The following ERCC6L2 variants were observed in gnomAD, a reference collection of about 807,000 sequenced individuals.
ERCC6L2 encodes the protein DNA excision repair protein ERCC-6-like 2.
In ERCC6L2, 77 loss-of-function variants were observed where a neutral mutation model predicts 132.0. The observed-to-expected ratio is 0.58, with a 90% confidence interval of 0.49 to 0.71. ERCC6L2 has a LOEUF of 0.71. Among genes scored for constraint, ERCC6L2 ranks in the 30% least tolerant of loss-of-function variants. The probability of loss-of-function intolerance (pLI) is 0.00; values close to 1 mark genes in which losing one functional copy is unlikely to be tolerated. For missense variants in ERCC6L2, 1,542 were observed against 1,837.6 expected (o/e 0.84, Z 2.94); for synonymous variants, 583 against 632.4 (o/e 0.92, Z 1.17).
chr9:96,009,288 G>A lies in ERCC6L2; in HGVS notation c.3675-2937G>A, dbSNP rs192266783. On this transcript the variant is annotated intron_variant, in intron 18 of 18. Transcript: ENST00000653738. ...ATCACTATGTGCCTTATTGGCTTTG[G>A]TTACCAATTAGGGATGTAGAAGTAA... 9.2e-5 allele frequency among the ~76,000 whole-genome samples: 14 copies of A among 152,282 alleles called. No individual in the cohort carries two copies. The East Asian group carries it at 2.7e-3, about 29-fold the overall frequency.
chr9:96,018,595 G>C (rs1834231350), downstream of ERCC6L2, among the ~76,000 whole-genome samples: 1 of 151,184 alleles, frequency 6.6e-6, no homozygotes, highest in African/African-American at 2.4e-5. Flanking sequence ...CAAGTAGCTG[G>C]GACCACAGAT....
At chr9:95,931,882 C>CT (rs981012631) in intron 11 of ERCC6L2, among the ~76,000 whole-genome samples, 74 of 151,420 alleles carry the variant, frequency 4.9e-4, no homozygotes, top group African/African-American at 1.7e-3. Context: ...TTTATTATTT[C>CT]TTTAACAATG....
At position 95,972,724 on chromosome 9, in the gene ERCC6L2, G is replaced by C. The variant is rs769327798; in HGVS notation, c.2973G>C (p.Lys991Asn). The C allele has an allele frequency of 7.7e-7, 1 of 1,302,604 alleles. No individual in the cohort carries two copies. Among genetic ancestry groups the C allele is most frequent in the Non-Finnish European group, 1.0e-6 (1 of 988,802 alleles). The allele number at this position is 1,302,604 out of a possible 1,614,324, so 80.7% of individuals were successfully genotyped here. A position where few individuals can be genotyped will look rare whatever the true frequency, so the allele number is the denominator to read the frequency against. Residue 991 changes from lysine (K) to asparagine (N), a missense_variant, in exon 16 of 19, where the codon AAG becomes AAC. Lys to Asn is a moderately conservative substitution (Grantham distance 94, BLOSUM62 0). Around this residue, in one of 4 missense-constraint regions of ERCC6L2, gnomAD observed 945 missense variants for 1,105.2 expected, o/e 0.86. Coordinates refer to ENST00000653738, the MANE Select transcript of ERCC6L2 (RefSeq NM_020207.7). ...CTGATGACATTGAAATTTCTTCCAAGTCAAGAGTAAGAAAGAGAGCTAGTT... is the reference window on the plus strand; with the variant it reads ...CTGATGACATTGAAATTTCTTCCAACTCAAGAGTAAGAAAGAGAGCTAGTT... ...DESDDIEISS[K>N]SRVRKRASSL...
chr9:95,961,200 A>T (rs1333989183), intron 13 of ERCC6L2, among the ~76,000 whole-genome samples: 1 of 152,122 alleles, frequency 6.6e-6, no homozygotes, highest in East Asian at 1.9e-4. Context: ...GTCTTTGCAG[A>T]TGAGGTTAAG....
rs537520850 is a variant in ERCC6L2 at position 96,001,960 on chromosome 9, G to A, written c.3493-2560G>A. Reference sequence around the variant, plus strand: ...GTACACCCTCCGCAGCCACTGGCCCGGGTGCTAAGTCCCCCATTGCCGGGG... The same window carrying A: ...GTACACCCTCCGCAGCCACTGGCCCAGGTGCTAAGTCCCCCATTGCCGGGG... On this transcript the variant is annotated intron_variant, in intron 17 of 18. Transcript: ENST00000653738. 1.4e-4 allele frequency among the ~76,000 whole-genome samples: 21 copies of A among 152,356 alleles called. 3 individuals are homozygous for A. In the South Asian group the frequency reaches 4.1e-3, roughly 30 times the overall value.
intron 11 of ERCC6L2, among the ~76,000 whole-genome samples, chr9:95,934,829 G>T (rs1291427526): frequency 6.6e-6 from 1 of 152,130 alleles, no homozygotes. Context: ...GCTTTGAAGG[G>T]ATCAGGAGAA....
chr9:95,901,755 T>C (rs750593977), intron 3 of ERCC6L2, among the ~76,000 whole-genome samples: 4 of 152,234 alleles, frequency 2.6e-5, no homozygotes, highest in Admixed American at 6.5e-5. Flanking sequence ...TTTTGTTTCA[T>C]TGGCATCAAT....
chr9:96,022,647 G>A (rs1056791753), downstream of ERCC6L2, among the ~76,000 whole-genome samples: 1 of 152,186 alleles, frequency 6.6e-6, no homozygotes, highest in African/African-American at 2.4e-5. Context: ...CGGGCCAGAC[G>A]GCAGCGAGTG....
At chr9:95,886,041 G>A (rs939301690) in intron 2 of ERCC6L2, among the ~76,000 whole-genome samples, 1 of 151,876 alleles carries the variant, frequency 6.6e-6, no homozygotes, top group African/African-American at 2.4e-5. Flanking sequence ...TTGAGATGGG[G>A]GTCTCACTCT....
At position 96,013,890 on chromosome 9, in the gene ERCC6L2, A is replaced by C. The variant is rs1311509684; in HGVS notation, c.*687A>C. The C allele has an allele frequency of 6.6e-6, 1 of 152,212 alleles. No individual in the cohort carries two copies. The highest frequency in any genetic ancestry group is 1.5e-5 in the Non-Finnish European group (1 of 68,026). 9.4% of individuals were successfully genotyped at this position (152,212 alleles called of 1,614,324 possible). A position where few individuals can be genotyped will look rare whatever the true frequency, so the allele number is the denominator to read the frequency against. On this transcript the variant is annotated 3_prime_UTR_variant, in exon 19 of 19. Transcript: ENST00000653738. ...ACAGATACCAGTGCCTCAACTTTTT[A>C]TGTACCTATTGTGATTTAATGTAAA...
At chr9:96,007,354 T>TA (rs781246073) in intron 18 of ERCC6L2, among the ~76,000 whole-genome samples, 45 of 152,282 alleles carry the variant, frequency 3.0e-4, no homozygotes, top group Non-Finnish European at 5.6e-4. Context: ...GTGGGCCAGA[T>TA]ATGGGTGGGA....
chr9:95,946,007 TAAAAAAATC>T (rs1055553195), intron 12 of ERCC6L2, among the ~76,000 whole-genome samples: 18 of 151,900 alleles, frequency 1.2e-4, no homozygotes, highest in African/African-American at 3.6e-4. Flanking sequence ...GAAAATAAGA[TAAAAAAATC>T]AAATCAGGGA....
chr9:95,891,593 C>CTT (rs201492696), intron 2 of ERCC6L2, among the ~76,000 whole-genome samples: 4 of 136,964 alleles, frequency 2.9e-5, no homozygotes, highest in African/African-American at 1.1e-4. Flanking sequence ...TTCAGTGTTT[C>CTT]TTTTTTTTTT....
Position 96,015,627 on chromosome 9 carries a change from C to T in ERCC6L2, c.*2424C>T, listed in dbSNP as rs2133236681. On this transcript the variant is annotated 3_prime_UTR_variant, in exon 19 of 19. Transcript: ENST00000653738. Reference sequence around the variant, plus strand: ...TGGCTAACGCGGTGAAACCCCGTCTCTACTAAAAAAAAAAAAAATACAAAA... The same window carrying T: ...TGGCTAACGCGGTGAAACCCCGTCTTTACTAAAAAAAAAAAAAATACAAAA... 7.8e-6 allele frequency among the ~76,000 whole-genome samples: 1 copy of T among 127,600 alleles called. No homozygotes were observed. Among genetic ancestry groups the T allele is most frequent in the South Asian group, 2.5e-4 (1 of 4,062 alleles). The allele number at this position is 127,600 out of a possible 152,430, so 83.7% of individuals were successfully genotyped here.
chr9:95,944,294 T>C (rs1216402607), intron 12 of ERCC6L2, among the ~76,000 whole-genome samples: 1 of 152,228 alleles, frequency 6.6e-6, no homozygotes, highest in Admixed American at 6.5e-5. Context: ...TATTGTATGA[T>C]TCTACTTATA....
At chr9:95,909,848 T>C (rs1829260300) in intron 4 of ERCC6L2, among the ~76,000 whole-genome samples, 1 of 152,200 alleles carries the variant, frequency 6.6e-6, no homozygotes, top group South Asian at 2.1e-4. Flanking sequence ...AGGTTTAGCT[T>C]TAGAAGAAAC....
chr9:95,913,276 C>T (rs1190373849), intron 4 of ERCC6L2, among the ~76,000 whole-genome samples: 1 of 152,098 alleles, frequency 6.6e-6, no homozygotes, highest in Admixed American at 6.6e-5. Context: ...CGGTATTCTC[C>T]TGTAAAGGAA....
chr9:95,914,600 C>T (rs987332545), intron 4 of ERCC6L2, among the ~76,000 whole-genome samples: 3 of 152,184 alleles, frequency 2.0e-5, no homozygotes, highest in Admixed American at 6.5e-5. Context: ...GATCCACCCG[C>T]CTCAGCCTCC....
intron 20 of ERCC6L2, among the ~76,000 whole-genome samples, chr9:96,039,510 AC>A (rs1374992081): frequency 7.2e-5 from 11 of 152,006 alleles, no homozygotes; most frequent in Admixed American, 7.2e-4. Flanking sequence ...TAGAGTCGTG[AC>A]CCCTGGACAG....
Sources: allele counts gnomAD v4.1 joint callset (sites outside exome capture counted in the v4.1 genomes callset), GRCh38; gene constraint gnomAD v4.1.1; regional missense constraint gnomAD v4.1.1; transcripts MANE v1.5; gene names NCBI Gene and HGNC (gene_info 2026-07-23, HGNC 2026-07-21).